Variants in FRK observed in about 807,000 individuals in gnomAD.
The protein encoded by FRK is tyrosine-protein kinase FRK.
A neutral mutation model predicts 56.4 loss-of-function variants in FRK; 51 were observed. That is an observed-to-expected ratio of 0.90 (90% CI 0.72 to 1.14). The LOEUF is 1.14. Ranked by LOEUF, FRK falls within the 50% of genes most tolerant of loss-of-function variation. The pLI is 0.00. For missense variants in FRK, 570 were observed against 601.4 expected, an observed-to-expected ratio of 0.95 and a Z score of 0.55; for synonymous variants, 245 against 217.9, an observed-to-expected ratio of 1.12 and a Z score of -1.10.
At chr6:116,087,959 A>G in the FRK span, among the ~76,000 whole-genome samples, 2 of 152,234 alleles carry the variant, frequency 1.3e-5, no homozygotes, top group Non-Finnish European at 2.9e-5. Context: ...ATAGGAGCCC[A>G]AGTACAAGCA....
chr6:116,046,831 T>C (rs1428393950), intron 1 of FRK, among the ~76,000 whole-genome samples: 1 of 151,904 alleles, frequency 6.6e-6, no homozygotes, highest in Non-Finnish European at 1.5e-5. Flanking sequence ...GAGTACATTC[T>C]TTTTCTTTTT....
intron 5 of FRK, among the ~76,000 whole-genome samples, chr6:115,945,505 T>C (rs1772403610): frequency 1.3e-5 from 2 of 152,172 alleles, no homozygotes; most frequent in Admixed American, 1.3e-4. Flanking sequence ...ATACCACATG[T>C]CACTGACTAA....
At chr6:116,002,798 G>T in intron 2 of FRK, 1 of 435,642 alleles carries the variant, frequency 2.3e-6, no homozygotes, top group Non-Finnish European at 4.7e-6. Context: ...GGCAACACCT[G>T]CCTCAAAACC....
intron 1 of FRK, among the ~76,000 whole-genome samples, chr6:116,048,682 AG>A (rs1327354888): frequency 9.2e-5 from 14 of 152,244 alleles, no homozygotes; most frequent in African/African-American, 3.1e-4. Flanking sequence ...CACCATGCTG[AG>A]CCCCCAAATT....
At chr6:115,999,431 C>G (rs1017611318) in intron 2 of FRK, among the ~76,000 whole-genome samples, 1 of 152,138 alleles carries the variant, frequency 6.6e-6, no homozygotes, top group Non-Finnish European at 1.5e-5. Context: ...GAGCAGACAG[C>G]CGTGCAGGGA....
intron 1 of FRK, among the ~76,000 whole-genome samples, chr6:116,031,536 G>A (rs1481916048): frequency 6.6e-6 from 1 of 152,060 alleles, no homozygotes; most frequent in African/African-American, 2.4e-5. Flanking sequence ...GCAGAGAAAT[G>A]AGTACACATT....
intron 2 of FRK, among the ~76,000 whole-genome samples, chr6:115,994,793 AG>A (rs1774772536): frequency 6.6e-6 from 1 of 152,084 alleles, no homozygotes; most frequent in Non-Finnish European, 1.5e-5. Flanking sequence ...AAGAGACCAA[AG>A]CCCTCTCTCT....
chr6:115,979,253 G>A (rs1774105457), intron 2 of FRK, among the ~76,000 whole-genome samples: 1 of 152,110 alleles, frequency 6.6e-6, no homozygotes, highest in African/African-American at 2.4e-5. Context: ...GGATGTGGGA[G>A]ATAGTGATAT....
chr6:116,025,689 G>T (rs1776061470), intron 1 of FRK, among the ~76,000 whole-genome samples: 1 of 152,128 alleles, frequency 6.6e-6, no homozygotes, highest in African/African-American at 2.4e-5. Flanking sequence ...ATCTTTATTT[G>T]TTATAGCCTA....
chr6:115,950,119 T>C (rs1236054809), intron 5 of FRK, among the ~76,000 whole-genome samples: 2 of 152,190 alleles, frequency 1.3e-5, no homozygotes, highest in Admixed American at 6.5e-5. Context: ...GACATAGGCA[T>C]GGGCAAAGAC....
chr6:115,938,505 A>G lies in FRK; in HGVS notation c.*3909T>C, dbSNP rs1772090217. ...CAGAACTGAAGGTGATAGAGACATG[A>G]AAAACCTTTCAAAAAATCAATGAAT... On this transcript the variant is annotated 3_prime_UTR_variant, in exon 8 of 8. Transcript: ENST00000606080. 6.6e-6 allele frequency: 1 copy of G among 152,234 alleles called. No homozygotes were observed. The highest frequency in any genetic ancestry group is 1.5e-5 in the Non-Finnish European group (1 of 68,034). 9.4% of individuals were successfully genotyped at this position (152,234 alleles called of 1,614,324 possible).
At chr6:115,984,770 A>G (rs1434695382) in intron 2 of FRK, among the ~76,000 whole-genome samples, 1 of 148,424 alleles carries the variant, frequency 6.7e-6, no homozygotes, top group Non-Finnish European at 1.5e-5. Context: ...AAAAAAAAAA[A>G]CTCCAATAGC....
intron 1 of FRK, among the ~76,000 whole-genome samples, chr6:116,014,980 GT>G (rs1775598032): frequency 1.3e-5 from 2 of 152,158 alleles, no homozygotes; most frequent in Non-Finnish European, 2.9e-5. Context: ...AGAAATGCCT[GT>G]GAAAGAAACT....
At chr6:115,999,600 G>A (rs974199788) in intron 2 of FRK, among the ~76,000 whole-genome samples, 6 of 152,160 alleles carry the variant, frequency 3.9e-5, no homozygotes, top group Non-Finnish European at 5.9e-5. Flanking sequence ...ACTCAAGTGG[G>A]AAAGAAAGAG....
chr6:115,982,335 G>A (rs750599133), intron 2 of FRK, among the ~76,000 whole-genome samples: 10 of 152,072 alleles, frequency 6.6e-5, no homozygotes, highest in Non-Finnish European at 8.8e-5. Context: ...GCCTTTCTGG[G>A]TTTCTACTTT....
chr6:115,973,415 T>A (rs510874), intron 2 of FRK, among the ~76,000 whole-genome samples: 1 of 152,120 alleles, frequency 6.6e-6, no homozygotes, highest in Non-Finnish European at 1.5e-5. Context: ...TTGGGGGATG[T>A]GGGATTAAGG....
intron 1 of FRK, among the ~76,000 whole-genome samples, chr6:116,018,604 A>G (rs1775744844): frequency 6.6e-6 from 1 of 152,212 alleles, no homozygotes. Flanking sequence ...CTCTAATAAT[A>G]CACAATGGAA....
chr6:116,009,598 C>T (rs1775387644), intron 1 of FRK, among the ~76,000 whole-genome samples: 1 of 151,936 alleles, frequency 6.6e-6, no homozygotes. Flanking sequence ...ACATACCATG[C>T]CATGAAAGAT....
the FRK span, among the ~76,000 whole-genome samples, chr6:116,078,185 A>T: frequency 6.6e-6 from 1 of 152,212 alleles, no homozygotes. Context: ...AAACATTTGA[A>T]AATGAAAATG....
Sources: gnomAD v4.1 joint callset for allele counts (sites outside exome capture counted in the v4.1 genomes callset) on GRCh38, gnomAD v4.1.1 for gene constraint, MANE v1.5 for transcripts, NCBI Gene and HGNC (gene_info 2026-07-23, HGNC 2026-07-21) for gene names.